SARS1: variants seen among roughly 807,000 people sequenced by gnomAD.
The protein encoded by SARS1 is seryl-tRNA synthetase 1.
In SARS1, 25 loss-of-function variants were observed where a neutral mutation model predicts 63.7. The observed-to-expected ratio is 0.39, with a 90% CI of 0.29 to 0.55. SARS1 has a LOEUF of 0.55. SARS1 is among the 20% of genes least tolerant of loss of function. The pLI is 0.62. For missense variants in SARS1, 417 were observed against 649.7 expected, an observed-to-expected ratio of 0.64 and a Z score of 3.89; for synonymous variants, 231 against 243.5, an observed-to-expected ratio of 0.95 and a Z score of 0.48.
intron 8 of SARS1, 93 bp downstream of exon 8, chr1:109,236,199 A>G: frequency 7.0e-7 from 1 of 1,425,694 alleles, no homozygotes; most frequent in Non-Finnish European, 9.6e-7. Context: ...ACAGCTCACA[A>G]TTCAACTCAT....
In SARS1 at chr1:109,235,969, C is replaced by G. The variant is rs1312033487; in HGVS notation, c.970-8C>G. 6.3e-7 allele frequency: 1 copy of G among 1,599,958 alleles called. No individual in the cohort carries two copies. The highest frequency in any genetic ancestry group is 8.5e-7 in the Non-Finnish European group (1 of 1,174,630). On this transcript the variant is annotated splice_region_variant and splice_polypyrimidine_tract_variant and intron_variant, in intron 7 of 10. Coordinates refer to ENST00000234677, the MANE Select transcript of SARS1 (RefSeq NM_006513.4). The surrounding 1 kb of genome is among the most constrained non-coding windows in gnomAD (Gnocchi z 4.7). ...GCTGTCACCGTTTCCTTGGGTCCCT[C>G]TCTGCAGATTGAACAGTTTGTGTAC... is the stretch of plus-strand genomic sequence containing the variant.
chr1:109,222,970 G>A (rs1192572544), intron 1 of SARS1, among the ~76,000 whole-genome samples: 1 of 152,222 alleles, frequency 6.6e-6, no homozygotes, highest in African/African-American at 2.4e-5. Flanking sequence ...AGCTGAGGTC[G>A]TGCCACTGCA....
At position 109,237,194 on chromosome 1, in the gene SARS1, A is replaced by G; in HGVS notation, c.1258-50A>G. On this transcript the variant is annotated intron_variant, in intron 9 of 10. Transcript: ENST00000234677. The surrounding 1 kb of genome is among the most constrained non-coding windows in gnomAD (Gnocchi z 4.1). ...TGGATGGTTCCTGGCCGTCAGTAAG[A>G]CCCGATGAGAGTTGAGCCCGACTTC... The G allele has an allele frequency of 6.3e-7, 1 of 1,579,404 alleles. No individual in the cohort carries two copies. The highest frequency in any genetic ancestry group is 1.2e-5 in the South Asian group (1 of 85,464).
chr1:109,230,162 A>G (rs1258046271), intron 4 of SARS1, among the ~76,000 whole-genome samples: 2 of 151,960 alleles, frequency 1.3e-5, no homozygotes, highest in African/African-American at 2.4e-5. Context: ...CCTGGGACCA[A>G]TGAGAGCCTG....
chr1:109,216,126 G>A, intron 1 of SARS1: 1 of 985,382 alleles, frequency 1.0e-6, no homozygotes, highest in Non-Finnish European at 1.2e-6. Flanking sequence ...GCCCAAGGTA[G>A]ACACTGGCAG....
At chr1:109,228,285 C>A in intron 2 of SARS1, 67 bp from the exon 3 acceptor site, 1 of 1,165,210 alleles carries the variant, frequency 8.6e-7, no homozygotes, top group Non-Finnish European at 1.3e-6. Context: ...ATTTGGTGTA[C>A]ACTTTATAAA....
intron 9 of SARS1, 147 bp downstream of exon 9, chr1:109,236,695 C>G (rs896317212): frequency 4.0e-6 from 6 of 1,485,350 alleles, no homozygotes; most frequent in Non-Finnish European, 5.4e-6. Flanking sequence ...TCTGAAAATG[C>G]CTTCTACTGA....
Position 109,214,178 on chromosome 1 carries a change from C to G in SARS1, c.136+50C>G, listed in dbSNP as rs371098719. 60 of 1,588,288 alleles carry G rather than the reference C, an allele frequency of 3.8e-5. No homozygotes were observed. The highest frequency in any genetic ancestry group is 2.9e-4 in the South Asian group (25 of 87,616). On this transcript the variant is annotated intron_variant, in intron 1 of 10. Coordinates refer to ENST00000234677, the MANE Select transcript of SARS1 (RefSeq NM_006513.4). This position sits in a 1 kb window ranked among gnomAD's most constrained non-coding sequence, Gnocchi z 4.6. ...CCTCCTTGATGCTAAACCCAATTTT[C>G]TCTCTCAAATCCAGCCACCGCTCCT... is the stretch of plus-strand genomic sequence containing the variant.
Position 109,235,285 on chromosome 1 carries a change from C to T in SARS1, c.823C>T (p.Pro275Ser). 6.2e-7 allele frequency: 1 copy of T among 1,614,120 alleles called. No individual in the cohort carries two copies. Among genetic ancestry groups the T allele is most frequent in the Non-Finnish European group, 8.5e-7 (1 of 1,180,022 alleles). The change falls in exon 7 of 11, where the codon CCC becomes TCC. Residue 275 changes from proline to serine, a missense_variant. Physicochemically the swap from Pro to Ser is moderately conservative, Grantham distance 74 (BLOSUM62 -1). Transcript: ENST00000234677. This position sits in a 1 kb window ranked among gnomAD's most constrained non-coding sequence, Gnocchi z 4.7. Reference sequence around the variant, plus strand: ...GTACCTGATTGCCACCTCAGAGCAGCCCATTGCTGCCCTGCACCGGGATGA... The same window carrying T: ...GTACCTGATTGCCACCTCAGAGCAGTCCATTGCTGCCCTGCACCGGGATGA... ...EKYLIATSEQ[P>S]IAALHRDEWL...
Position 109,237,056 on chromosome 1 carries a change from C to T in SARS1, c.1258-188C>T. The T allele has an allele frequency of 8.2e-7, 1 of 1,216,566 alleles. No individual in the cohort carries two copies. Among genetic ancestry groups the T allele is most frequent in the Non-Finnish European group, 1.1e-6 (1 of 891,868 alleles). The allele number at this position is 1,216,566 out of a possible 1,614,324, so 75.4% of individuals were successfully genotyped here. A position where few individuals can be genotyped will look rare whatever the true frequency, so the allele number is the denominator to read the frequency against. ...CATCGAAACATGAGGGATCTTTCTG[C>T]AGTTATCTAATAGGCAATAAATACC... On this transcript the variant is annotated intron_variant, in intron 9 of 10. Coordinates refer to ENST00000234677, the MANE Select transcript of SARS1 (RefSeq NM_006513.4). This position sits in a 1 kb window ranked among gnomAD's most constrained non-coding sequence, Gnocchi z 4.1.
At chr1:109,226,697 T>TATATATATAC (rs1183766306) in intron 2 of SARS1, among the ~76,000 whole-genome samples, 7 of 104,148 alleles carry the variant, frequency 6.7e-5, no homozygotes, top group African/African-American at 2.7e-4. Context: ...TATATATATA[T>TATATATATAC]ACACACACAC....
intron 1 of SARS1, among the ~76,000 whole-genome samples, chr1:109,222,790 G>C (rs530301528): frequency 6.6e-6 from 1 of 152,006 alleles, no homozygotes; most frequent in African/African-American, 2.4e-5. Context: ...TGGGTGGATC[G>C]CTTGAGCCCA....
intron 2 of SARS1, among the ~76,000 whole-genome samples, chr1:109,224,693 T>C (rs1195278256): frequency 6.6e-6 from 1 of 152,202 alleles, no homozygotes; most frequent in Non-Finnish European, 1.5e-5. Flanking sequence ...AAATCCTTCC[T>C]ATGCCTGAAA....
At chr1:109,234,196 G>C (rs1337348102) in intron 6 of SARS1, among the ~76,000 whole-genome samples, 1 of 151,578 alleles carries the variant, frequency 6.6e-6, no homozygotes, top group African/African-American at 2.4e-5. Flanking sequence ...GCTAATTTTT[G>C]TATGTTTAGT....
At chr1:109,234,402 A>G (rs971923739) in intron 6 of SARS1, among the ~76,000 whole-genome samples, 5 of 151,164 alleles carry the variant, frequency 3.3e-5, no homozygotes, top group Non-Finnish European at 7.4e-5. Context: ...GTATAATATT[A>G]CATAAATAAT....
intron 1 of SARS1, among the ~76,000 whole-genome samples, chr1:109,219,094 A>T (rs1011185165): frequency 6.6e-6 from 1 of 150,868 alleles, no homozygotes; most frequent in Non-Finnish European, 1.5e-5. Context: ...GTGAAACCCC[A>T]TCTCCACTAA....
rs1655093251 is a variant in SARS1, at chr1:109,226,699, C to CACACATATATATATATATAT, written c.208-1648_208-1647insTATATATATATATATACACA. 5.9e-5 allele frequency among the ~76,000 whole-genome samples: 4 copies of CACACATATATATATATATAT among 67,978 alleles called. No homozygotes were observed. The Admixed American group carries it at 7.6e-4, about 13-fold the overall frequency. 44.6% of individuals were successfully genotyped at this position (67,978 alleles called of 152,430 possible). On this transcript the variant is annotated intron_variant, in intron 2 of 10. Coordinates refer to ENST00000234677, the MANE Select transcript of SARS1 (RefSeq NM_006513.4). ...AAAAATATATATATATATATATATA[C>CACACATATATATATATATAT]ACACACACACACACACACACACACA...
chr1:109,224,598 GCA>G (rs1655025517), intron 2 of SARS1, among the ~76,000 whole-genome samples: 1 of 151,686 alleles, frequency 6.6e-6, no homozygotes. Context: ...AGAAAATTTG[GCA>G]CAGTGTCTAG....
Position 109,238,111 on chromosome 1 carries a change from C to T in SARS1, c.*223C>T, listed in dbSNP as rs1282100764. On this transcript the variant is annotated 3_prime_UTR_variant, in exon 11 of 11. Coordinates refer to ENST00000234677, the MANE Select transcript of SARS1 (RefSeq NM_006513.4). ...GATGAAACCATGTAATAAAGCATCT[C>T]TGGGGAGGGCTTAGGACTCTTCCTC... 5.1e-6 allele frequency: 3 copies of T among 588,018 alleles called. No individual in the cohort carries two copies. The East Asian group carries it at 8.6e-5, about 17-fold the overall frequency. 36.4% of individuals were successfully genotyped at this position (588,018 alleles called of 1,614,324 possible). A position where few individuals can be genotyped will look rare whatever the true frequency, so the allele number is the denominator to read the frequency against.
Sources: allele counts gnomAD v4.1 joint callset (sites outside exome capture counted in the v4.1 genomes callset), GRCh38; gene constraint gnomAD v4.1.1; non-coding constraint Gnocchi (gnomAD v3.1); transcripts MANE v1.5; gene names NCBI Gene and HGNC (gene_info 2026-07-23, HGNC 2026-07-21).